The following VIPR2 variants were observed in gnomAD, a reference collection of about 807,000 sequenced individuals.
VIPR2 encodes vasoactive intestinal peptide receptor 2.
Under a neutral mutation model 58.0 loss-of-function variants are expected in VIPR2, and 48 were observed. That is an observed-to-expected ratio of 0.83 (90% CI 0.66 to 1.05). The LOEUF (loss-of-function observed/expected upper bound fraction) is 1.05. Among genes scored for constraint, VIPR2 ranks in the 50% least tolerant of loss-of-function variants. The pLI, the probability that VIPR2 is intolerant of heterozygous loss-of-function variation, is 0.00. For synonymous variants in VIPR2, 243 were observed against 235.2 expected (o/e 1.03, Z -0.30); for missense variants, 534 against 558.0 (o/e 0.96, Z 0.43).
chr7:159,076,647 C>T (rs966826250), intron 4 of VIPR2, among the ~76,000 whole-genome samples: 4 of 152,078 alleles, frequency 2.6e-5, no homozygotes, highest in Admixed American at 6.6e-5. Flanking sequence ...GATGGCATTT[C>T]CAAAATTAAT....
At chr7:159,132,874 T>C (rs867097375) in intron 2 of VIPR2, among the ~76,000 whole-genome samples, 29 of 118,818 alleles carry the variant, frequency 2.4e-4, no homozygotes, top group Middle Eastern at 4.3e-3. Context: ...GACAGAATGA[T>C]TGGCATACAG....
chr7:159,131,383 CA>C (rs1796908761), intron 2 of VIPR2, among the ~76,000 whole-genome samples: 1 of 152,188 alleles, frequency 6.6e-6, no homozygotes, highest in African/African-American at 2.4e-5. Flanking sequence ...TGCAGAATGA[CA>C]AGATGAGATC....
intron 4 of VIPR2, among the ~76,000 whole-genome samples, chr7:159,083,912 AT>A (rs1457242069): frequency 6.6e-6 from 1 of 152,208 alleles, no homozygotes; most frequent in African/African-American, 2.4e-5. Flanking sequence ...GGGCTGGTGC[AT>A]GTGAACATTC....
intron 3 of VIPR2, among the ~76,000 whole-genome samples, chr7:159,108,188 A>G (rs796491902): frequency 2.0e-5 from 3 of 152,300 alleles, no homozygotes; most frequent in African/African-American, 7.2e-5. Flanking sequence ...CACCAAATTT[A>G]GTCTCTGAAG....
intron 4 of VIPR2, among the ~76,000 whole-genome samples, chr7:159,085,296 G>GGTTTT (rs1358565853): frequency 6.6e-6 from 1 of 152,124 alleles, no homozygotes; most frequent in East Asian, 1.9e-4. Context: ...GCGGGTGGAG[G>GGTTTT]GTTTTGTTTT....
rs751327819 is a variant in VIPR2, at chr7:159,035,987, T to G, written c.774A>C (p.Ala258=). ...CTAAGTAGAGCCTGGCCGCAGTCCA[T>G]GCACCGATGCAGACGGTGGGGAGGC... ...GWGLPTVCIG[A]WTAARLYLED... is the part of the protein sequence containing the mutation. Residue 258 remains alanine (A), a synonymous_variant, in exon 8 of 13, where the codon GCA becomes GCC. Transcript: ENST00000262178. 5 of 1,613,462 alleles carry G rather than the reference T, an allele frequency of 3.1e-6. No homozygotes were observed. Among genetic ancestry groups the G allele is most frequent in the African/African-American group, 1.3e-5 (1 of 74,916 alleles).
rs115956556 is a variant in VIPR2, at chr7:159,103,935, G to A, written c.260-81C>T. On this transcript the variant is annotated intron_variant, in intron 3 of 12. Transcript: ENST00000262178. ...AGGGACCTTAGTCCGTGCTGAGCCC[G>A]TGCTCTATTAAAATGCTTCCCACAC... 945 of 1,239,934 alleles carry A rather than the reference G, an allele frequency of 7.6e-4. 5 individuals are homozygous for A. In the African/African-American group the frequency reaches 0.013, roughly 16 times the overall value. 76.8% of individuals were successfully genotyped at this position (1,239,934 alleles called of 1,614,324 possible).
At chr7:159,085,321 A>G (rs1857116009) in intron 4 of VIPR2, among the ~76,000 whole-genome samples, 2 of 152,114 alleles carry the variant, frequency 1.3e-5, no homozygotes. Context: ...TTTGAGACGG[A>G]GCCTTGCTCT....
intron 4 of VIPR2, among the ~76,000 whole-genome samples, chr7:159,088,627 A>C (rs2129495196): frequency 6.6e-6 from 1 of 152,376 alleles, no homozygotes; most frequent in Admixed American, 6.5e-5. Context: ...GTGTCTCACA[A>C]GTTGGACTAA....
Position 159,058,492 on chromosome 7 carries a change from C to T in VIPR2, c.444G>A (p.Leu148=). The change falls in exon 5 of 13, where the codon CTG becomes CTA. Residue 148 remains leucine (L), a synonymous_variant. Transcript: ENST00000262178. ...LMSLATGSII[L]CLFRKLHCTR... is the part of the protein sequence containing the mutation. ...TTTCTGCTCCTTACCTGAAGAGGCA[C>T]AGAATTATGCTTCCTGTTGCAAGAG... is the stretch of plus-strand genomic sequence containing the variant. 6.2e-7 allele frequency: 1 copy of T among 1,613,080 alleles called. No individual in the cohort carries two copies. Among genetic ancestry groups the T allele is most frequent in the Non-Finnish European group, 8.5e-7 (1 of 1,179,136 alleles).
chr7:159,102,495 T>G (rs1858358558), intron 4 of VIPR2, among the ~76,000 whole-genome samples: 1 of 152,060 alleles, frequency 6.6e-6, no homozygotes, highest in African/African-American at 2.4e-5. Flanking sequence ...GGGTCAGGAG[T>G]TTTACCTTCC....
chr7:159,068,147 C>T (rs541268293), intron 4 of VIPR2, among the ~76,000 whole-genome samples: 4 of 152,284 alleles, frequency 2.6e-5, no homozygotes, highest in South Asian at 2.1e-4. Flanking sequence ...GCCTTAGATA[C>T]GAGTATTACT....
intron 10 of VIPR2, 120 bp downstream of exon 10, chr7:159,034,093 A>T: frequency 1.1e-6 from 1 of 910,672 alleles, no homozygotes; most frequent in Non-Finnish European, 1.7e-6. Context: ...CCCAGCCTCG[A>T]GGTGTGACAG....
intron 8 of VIPR2, among the ~76,000 whole-genome samples, chr7:159,035,173 C>A (rs951393731): frequency 1.3e-5 from 2 of 152,224 alleles, no homozygotes; most frequent in African/African-American, 2.4e-5. Flanking sequence ...AGGGTCCACA[C>A]CCTGCGCTGG....
rs140031478 is a variant in VIPR2 at position 159,032,835 on chromosome 7, A to C, written c.972-768T>G. Among the ~76,000 whole-genome samples the C allele has an allele frequency of 1.3e-3, 205 of 152,226 alleles. 5 individuals are homozygous for C. The East Asian group carries it at 0.035, about 26-fold the overall frequency. On this transcript the variant is annotated intron_variant, in intron 10 of 12. Transcript: ENST00000262178. Reference sequence around the variant, plus strand: ...ATGCAAAGGTCAGCATAGAAACTAAACAAGATTCACAGGAAATCCAAGTTC... The same window carrying C: ...ATGCAAAGGTCAGCATAGAAACTAACCAAGATTCACAGGAAATCCAAGTTC...
At chr7:159,140,113 G>C (rs1797405138) in intron 2 of VIPR2, among the ~76,000 whole-genome samples, 1 of 151,940 alleles carries the variant, frequency 6.6e-6, no homozygotes, top group Non-Finnish European at 1.5e-5. Context: ...ATGTAATAAA[G>C]AGAAACATTT....
At chr7:159,076,098 G>A (rs1450499040) in intron 4 of VIPR2, among the ~76,000 whole-genome samples, 1 of 152,166 alleles carries the variant, frequency 6.6e-6, no homozygotes, top group Non-Finnish European at 1.5e-5. Context: ...TCATGTCTGG[G>A]TAATTTAAGG....
rs772803993 is a variant in VIPR2 at position 159,109,860 on chromosome 7, C to T, written c.211G>A (p.Val71Ile). Residue 71 changes from valine to isoleucine, a missense_variant, in exon 3 of 13, where the codon GTC (valine) becomes ATC (isoleucine). Physicochemically the swap from Val to Ile is conservative, Grantham distance 29. Transcript: ENST00000262178. ...CWRPANVGET[V>I]TVPCPKVFSN... ...AAGACTTTTGGGCAGGGCACCGTGA[C>T]GGTCTCTCCCACATTGGCAGGCCGC... 107 of 1,614,072 alleles carry T rather than the reference C, an allele frequency of 6.6e-5. No homozygotes were observed. The highest frequency in any genetic ancestry group is 8.1e-5 in the Non-Finnish European group (96 of 1,180,064).
rs1796728373 is a variant in VIPR2 at position 159,128,246 on chromosome 7, C to T, written c.151+14200G>A. Among the ~76,000 whole-genome samples, 1 of 152,154 alleles carries T rather than the reference C, an allele frequency of 6.6e-6. No individual in the cohort carries two copies. Among genetic ancestry groups the T allele is most frequent in the African/African-American group, 2.4e-5 (1 of 41,426 alleles). On this transcript the variant is annotated intron_variant, in intron 2 of 12. Transcript: ENST00000262178. This position sits in a 1 kb window ranked among gnomAD's most constrained non-coding sequence, Gnocchi z 4.1. ...CATGGTGTGGAACAGCTGCTGGGCC[C>T]TGGGATGTCTGCCCCATCCATACCT...
Sources: allele counts gnomAD v4.1 joint callset (sites outside exome capture counted in the v4.1 genomes callset), GRCh38; gene constraint gnomAD v4.1.1; non-coding constraint Gnocchi (gnomAD v3.1); transcripts MANE v1.5; gene names NCBI Gene and HGNC (gene_info 2026-07-23, HGNC 2026-07-21).